The following UBA6 variants were observed in gnomAD, a reference collection of about 807,000 sequenced individuals.
The protein encoded by UBA6 is ubiquitin-like modifier-activating enzyme 6.
Under a neutral mutation model 148.3 loss-of-function variants are expected in UBA6, and 87 were observed. The ratio of observed to expected loss-of-function variants is 0.59; its 90% CI spans 0.49 to 0.70. The LOEUF is 0.70. UBA6 is among the 30% of genes least tolerant of loss of function. The pLI, the probability that UBA6 is intolerant of heterozygous loss-of-function variation, is 0.00. For synonymous variants in UBA6, 376 were observed against 401.0 expected, an observed-to-expected ratio of 0.94 and a Z score of 0.75; for missense variants, 1,186 against 1,241.2, an observed-to-expected ratio of 0.96 and a Z score of 0.67.
intron 23 of UBA6, among the ~76,000 whole-genome samples, chr4:67,632,391 G>C (rs1394858554): frequency 2.0e-5 from 3 of 152,096 alleles, no homozygotes; most frequent in African/African-American, 7.2e-5. Flanking sequence ...TCTATGAATT[G>C]ATAACTGCTA....
intron 6 of UBA6, among the ~76,000 whole-genome samples, chr4:67,675,332 G>A (rs1730253427): frequency 1.3e-5 from 2 of 152,188 alleles, no homozygotes; most frequent in Admixed American, 1.3e-4. Context: ...TTTTTCAATA[G>A]TGTCTTATTT....
chr4:67,656,943 AG>A (rs1729713046), intron 13 of UBA6, among the ~76,000 whole-genome samples: 1 of 152,204 alleles, frequency 6.6e-6, no homozygotes, highest in African/African-American at 2.4e-5. Flanking sequence ...TGCTACAAAG[AG>A]AATAAAATAC....
At chr4:67,645,877 GAATT>G in intron 16 of UBA6, 57 bp downstream of exon 16, 2 of 1,051,464 alleles carry the variant, frequency 1.9e-6, no homozygotes, top group South Asian at 3.1e-5. Context: ...TTGTTTTAAT[GAATT>G]AAGTTGATAT....
intron 6 of UBA6, 38 bp downstream of exon 6, chr4:67,677,573 A>G: frequency 9.1e-7 from 1 of 1,093,368 alleles, no homozygotes. Context: ...TTGCCCTGGA[A>G]CCTGTCAATA....
chr4:67,631,884 GGAAACAGTGAA>G lies in UBA6; in HGVS notation c.2156_2166del (p.Leu719ProfsTer26). On this transcript the variant is annotated frameshift_variant, in exon 24 of 33. Coordinates refer to ENST00000322244, the MANE Select transcript of UBA6 (RefSeq NM_018227.6). LOFTEE classifies it high-confidence loss of function. Reference sequence around the variant, plus strand: ...CCATCTTTTAATCGTATGTCCAGAGGGAAACAGTGAAGAAGCTGAAGAGCCTAAAGAAAAAA... The same window carrying G: ...CCATCTTTTAATCGTATGTCCAGAGGGAAGCTGAAGAGCCTAAAGAAAAAA... The G allele has an allele frequency of 6.2e-7, 1 of 1,611,200 alleles. No homozygotes were observed. Among genetic ancestry groups the G allele is most frequent in the Non-Finnish European group, 8.5e-7 (1 of 1,178,708 alleles).
intron 32 of UBA6, among the ~76,000 whole-genome samples, chr4:67,619,770 T>C (rs1337045481): frequency 6.6e-6 from 1 of 152,192 alleles, no homozygotes; most frequent in Non-Finnish European, 1.5e-5. Context: ...CATTCTTAGC[T>C]TTTTCCCTTA....
At chr4:67,625,881 G>C (rs1728855452) in intron 28 of UBA6, among the ~76,000 whole-genome samples, 1 of 151,796 alleles carries the variant, frequency 6.6e-6, no homozygotes, top group Non-Finnish European at 1.5e-5. Context: ...AGTATATATA[G>C]GTCATTCTGT....
At chr4:67,696,435 A>C (rs1365424269) in intron 2 of UBA6, among the ~76,000 whole-genome samples, 1 of 134,680 alleles carries the variant, frequency 7.4e-6, no homozygotes, top group Non-Finnish European at 1.6e-5. Flanking sequence ...ACACACATAT[A>C]TATACACATA....
chr4:67,681,514 CAA>C, intron 4 of UBA6, 47 bp downstream of exon 4: 13 of 1,257,846 alleles, frequency 1.0e-5, no homozygotes, highest in Admixed American at 4.8e-5. Flanking sequence ...ACAAATGAGC[CAA>C]AAAAAAAGGC....
intron 3 of UBA6, 48 bp from the exon 4 acceptor site, chr4:67,681,639 C>T (rs369591519): frequency 3.8e-6 from 5 of 1,305,068 alleles, no homozygotes; most frequent in African/African-American, 1.5e-5. Flanking sequence ...GGAATACACA[C>T]TAGATATGTC....
chr4:67,698,352 T>C (rs1287197630), intron 1 of UBA6, among the ~76,000 whole-genome samples: 4 of 152,238 alleles, frequency 2.6e-5, no homozygotes, highest in African/African-American at 9.6e-5. Flanking sequence ...CTCACTACTG[T>C]ATTCCAAATA....
intron 2 of UBA6, among the ~76,000 whole-genome samples, chr4:67,687,719 T>G (rs11936058): frequency 0.38 from 57,804 of 151,764 alleles, 11,088 homozygotes; most frequent in Middle Eastern, 0.51. Context: ...AGTCATAAGT[T>G]AGAATATGTG....
At chr4:67,660,902 C>T (rs189166351) in intron 13 of UBA6, among the ~76,000 whole-genome samples, 19 of 152,280 alleles carry the variant, frequency 1.2e-4, no homozygotes, top group African/African-American at 4.6e-4. Context: ...CTTGCATCAG[C>T]GTGACCTGGA....
intron 6 of UBA6, 132 bp downstream of exon 6, chr4:67,677,479 A>G: frequency 2.2e-6 from 1 of 455,644 alleles, no homozygotes. Flanking sequence ...TTTTATTCTA[A>G]TATGTCTTCT....
intron 1 of UBA6, among the ~76,000 whole-genome samples, chr4:67,700,754 C>A (rs910011999): frequency 1.3e-5 from 2 of 152,150 alleles, no homozygotes; most frequent in Non-Finnish European, 2.9e-5. Context: ...CGCTCTCGAC[C>A]GGAGCCCCCC....
chr4:67,659,704 G>C (rs538577457), intron 13 of UBA6, among the ~76,000 whole-genome samples: 1 of 85,420 alleles, frequency 1.2e-5, no homozygotes, highest in South Asian at 2.9e-4. Flanking sequence ...TAGAGAGTGG[G>C]GTGCTGAGAT....
intron 9 of UBA6, among the ~76,000 whole-genome samples, chr4:67,668,254 C>G (rs890345150): frequency 1.3e-5 from 2 of 152,124 alleles, no homozygotes; most frequent in Non-Finnish European, 2.9e-5. Flanking sequence ...CATAAATGAT[C>G]TTTTTTCAAT....
intron 2 of UBA6, among the ~76,000 whole-genome samples, chr4:67,686,120 A>G (rs1215799831): frequency 1.3e-5 from 2 of 152,236 alleles, no homozygotes; most frequent in African/African-American, 2.4e-5. Context: ...CAGTGAATGT[A>G]GCAGAAATCC....
intron 19 of UBA6, among the ~76,000 whole-genome samples, chr4:67,637,588 A>G (rs947330570): frequency 2.8e-5 from 4 of 144,732 alleles, no homozygotes; most frequent in African/African-American, 7.6e-5. Flanking sequence ...GTTCTGTACT[A>G]AGAAAAATTC....
Sources: gnomAD v4.1 joint callset for allele counts (sites outside exome capture counted in the v4.1 genomes callset) on GRCh38, gnomAD v4.1.1 for gene constraint, MANE v1.5 for transcripts, NCBI Gene and HGNC (gene_info 2026-07-23, HGNC 2026-07-21) for gene names.